The following EPHB1 variants were observed in gnomAD, a reference collection of about 807,000 sequenced individuals.
The protein encoded by EPHB1 is ephrin type-B receptor 1.
EPHB1 carries 30 observed loss-of-function variants against 94.4 expected under a neutral mutation model. That is an observed-to-expected ratio of 0.32 (90% CI 0.24 to 0.43). The LOEUF is 0.43. Ranked by LOEUF, EPHB1 falls within the 20% of genes least tolerant of loss-of-function variation. The probability of loss-of-function intolerance (pLI) is 1.00; values close to 1 mark genes in which losing one functional copy is unlikely to be tolerated. For missense variants in EPHB1, 1,055 were observed against 1,308.3 expected (o/e 0.81, Z 2.99); for synonymous variants, 522 against 489.1 (o/e 1.07, Z -0.89).
At chr3:135,142,497 AAAGATGGAGCCT>A (rs1390685129) in intron 5 of EPHB1, among the ~76,000 whole-genome samples, 2 of 152,182 alleles carry the variant, frequency 1.3e-5, no homozygotes, top group Non-Finnish European at 2.9e-5. Flanking sequence ...ATGTTATTGC[AAAGATGGAGCCT>A]AAGATGGATA....
chr3:135,000,953 T>C (rs1935152222), intron 3 of EPHB1, among the ~76,000 whole-genome samples: 1 of 152,200 alleles, frequency 6.6e-6, no homozygotes, highest in East Asian at 1.9e-4. Context: ...TTTCTTTTCA[T>C]AGACTTTTGT....
rs1208352294 is a variant in EPHB1, at chr3:134,832,237, C to G, written c.58+36548C>G. Among the ~76,000 whole-genome samples the G allele has an allele frequency of 3.9e-5, 6 of 152,178 alleles. No individual in the cohort carries two copies. The East Asian group carries it at 1.2e-3, about 29-fold the overall frequency. ...TGTTGGCTTGCTGAATTTGACAACC[C>G]AACATCAACATGCAAGACAGAGCTG... On this transcript the variant is annotated intron_variant, in intron 1 of 15. Transcript: ENST00000398015.
intron 1 of EPHB1, among the ~76,000 whole-genome samples, chr3:134,914,627 C>A (rs768671673): frequency 6.6e-6 from 1 of 152,036 alleles, no homozygotes; most frequent in Non-Finnish European, 1.5e-5. Flanking sequence ...TAATTTAAGC[C>A]CTGAGCATCA....
chr3:135,069,409 C>G (rs1463915211), intron 3 of EPHB1, among the ~76,000 whole-genome samples: 1 of 152,052 alleles, frequency 6.6e-6, no homozygotes, highest in Non-Finnish European at 1.5e-5. Context: ...GGGAGTAACC[C>G]AGGCCCCAAG....
chr3:135,173,267 C>T (rs998891476), intron 9 of EPHB1, among the ~76,000 whole-genome samples: 1 of 151,978 alleles, frequency 6.6e-6, no homozygotes, highest in Non-Finnish European at 1.5e-5. Flanking sequence ...ATCTCCTGAC[C>T]TCGTGATCCG....
rs114360404 is a variant in EPHB1 at position 135,245,208 on chromosome 3, G to A, written c.2497-3108G>A. Among the ~76,000 whole-genome samples the A allele has an allele frequency of 1.7e-4, 26 of 152,222 alleles. No individual in the cohort carries two copies. The South Asian group carries it at 2.3e-3, about 13-fold the overall frequency. On this transcript the variant is annotated intron_variant, in intron 13 of 15. Coordinates refer to ENST00000398015, the MANE Select transcript of EPHB1 (RefSeq NM_004441.5). ...AGGATTCATCCTACTACTCATCTGC[G>A]CTGTGCTCAACACGCATCACTTCGG...
At chr3:135,151,399 C>T (rs1272303099) in intron 5 of EPHB1, among the ~76,000 whole-genome samples, 1 of 152,092 alleles carries the variant, frequency 6.6e-6, no homozygotes, top group Non-Finnish European at 1.5e-5. Flanking sequence ...CAGCTCCCTC[C>T]CTTCCCTCCT....
intron 2 of EPHB1, among the ~76,000 whole-genome samples, chr3:134,947,357 A>G (rs1172802710): frequency 6.6e-6 from 1 of 152,218 alleles, no homozygotes; most frequent in Non-Finnish European, 1.5e-5. Context: ...TGTGGAAAGT[A>G]TATGTGCCTC....
intron 1 of EPHB1, among the ~76,000 whole-genome samples, chr3:134,841,921 G>A (rs1222559518): frequency 6.6e-6 from 1 of 152,150 alleles, no homozygotes; most frequent in Admixed American, 6.5e-5. Flanking sequence ...TTTCCAAAGA[G>A]TTTGAGAGCT....
intron 3 of EPHB1, among the ~76,000 whole-genome samples, chr3:134,956,023 C>T (rs1933254704): frequency 6.7e-6 from 1 of 149,740 alleles, no homozygotes; most frequent in African/African-American, 2.4e-5. Context: ...TCTCAGCAGA[C>T]TCTCTCTCTC....
At position 135,259,151 on chromosome 3, in the gene EPHB1, G is replaced by C; in HGVS notation, c.*31G>C. 6 of 1,553,870 alleles carry C rather than the reference G, an allele frequency of 3.9e-6. No homozygotes were observed. The highest frequency in any genetic ancestry group is 4.4e-6 in the Non-Finnish European group (5 of 1,137,562). On this transcript the variant is annotated 3_prime_UTR_variant, in exon 16 of 16. Coordinates refer to ENST00000398015, the MANE Select transcript of EPHB1 (RefSeq NM_004441.5). ...CTTGTTTCTTGGGGAAGGAGAGGAG[G>C]GAAAAGGACCAGGGTCAAGGGGGAC...
At chr3:135,014,700 A>G (rs1935735363) in intron 3 of EPHB1, among the ~76,000 whole-genome samples, 1 of 152,140 alleles carries the variant, frequency 6.6e-6, no homozygotes, top group Admixed American at 6.5e-5. Context: ...CAAATGGATC[A>G]CATTTTGAAG....
At chr3:134,847,436 C>T (rs1265766654) in intron 1 of EPHB1, among the ~76,000 whole-genome samples, 1 of 152,220 alleles carries the variant, frequency 6.6e-6, no homozygotes, top group African/African-American at 2.4e-5. Context: ...ACCTACTTTA[C>T]CAGTCCATGG....
chr3:135,194,456 C>G (rs1436764934), intron 11 of EPHB1, among the ~76,000 whole-genome samples: 1 of 152,144 alleles, frequency 6.6e-6, no homozygotes, highest in Non-Finnish European at 1.5e-5. Flanking sequence ...GAGGAATTTG[C>G]CAGACAAGCG....
intron 1 of EPHB1, among the ~76,000 whole-genome samples, chr3:134,840,233 T>A (rs1283289512): frequency 6.6e-6 from 1 of 152,164 alleles, no homozygotes. Context: ...GTAGACAATG[T>A]TAATGTTTGT....
chr3:135,040,827 T>A (rs979456238), intron 3 of EPHB1, among the ~76,000 whole-genome samples: 1 of 152,208 alleles, frequency 6.6e-6, no homozygotes. Flanking sequence ...CTTAATAGCG[T>A]GACAAGGAGG....
intron 5 of EPHB1, among the ~76,000 whole-genome samples, chr3:135,146,145 C>T (rs1941002442): frequency 6.6e-6 from 1 of 152,084 alleles, no homozygotes; most frequent in Admixed American, 6.5e-5. Flanking sequence ...GGAAAGGGCA[C>T]TCTGGTGGGC....
intron 1 of EPHB1, among the ~76,000 whole-genome samples, chr3:134,876,181 C>T (rs1472602511): frequency 6.6e-6 from 1 of 152,150 alleles, no homozygotes; most frequent in African/African-American, 2.4e-5. Context: ...CCTTCCTCAC[C>T]CACATCTAGG....
At chr3:135,068,478 C>T (rs1284669595) in intron 3 of EPHB1, among the ~76,000 whole-genome samples, 1 of 151,922 alleles carries the variant, frequency 6.6e-6, no homozygotes, top group Non-Finnish European at 1.5e-5. Context: ...TGTTCTATTT[C>T]TTTACCCATT....
Sources: allele counts gnomAD v4.1 joint callset (sites outside exome capture counted in the v4.1 genomes callset), GRCh38; gene constraint gnomAD v4.1.1; transcripts MANE v1.5; gene names NCBI Gene and HGNC (gene_info 2026-07-23, HGNC 2026-07-21).